The following RALGAPA2 variants were observed in gnomAD, a reference collection of about 807,000 sequenced individuals.
RALGAPA2 encodes the protein ral GTPase-activating protein subunit alpha-2.
RALGAPA2 carries 139 observed loss-of-function variants against 230.4 expected under a neutral mutation model. The observed-to-expected ratio is 0.60, with a 90% confidence interval of 0.53 to 0.69. RALGAPA2 has a LOEUF of 0.69. Among genes scored for constraint, RALGAPA2 ranks in the 30% least tolerant of loss-of-function variants. RALGAPA2 has a pLI of 0.00. For synonymous variants in RALGAPA2, 847 were observed against 837.8 expected, an observed-to-expected ratio of 1.01 and a Z score of -0.19; for missense variants, 2,163 against 2,276.0, an observed-to-expected ratio of 0.95 and a Z score of 1.01.
At chr20:20,650,964 A>C (rs1256272462) in intron 4 of RALGAPA2, among the ~76,000 whole-genome samples, 1 of 152,240 alleles carries the variant, frequency 6.6e-6, no homozygotes, top group African/African-American at 2.4e-5. Flanking sequence ...TAGTGGACAG[A>C]ACCTAATCTG....
chr20:20,632,036 T>C (rs2066689596), intron 9 of RALGAPA2, among the ~76,000 whole-genome samples: 1 of 151,842 alleles, frequency 6.6e-6, no homozygotes, highest in African/African-American at 2.4e-5. Context: ...GCTTTTTTTT[T>C]TTTTTTGAGA....
chr20:20,432,055 G>A (rs1451558786), intron 37 of RALGAPA2, among the ~76,000 whole-genome samples: 1 of 152,192 alleles, frequency 6.6e-6, no homozygotes, highest in Non-Finnish European at 1.5e-5. Context: ...TTAAAGTCAT[G>A]TAATTTTTTA....
intron 38 of RALGAPA2, among the ~76,000 whole-genome samples, 189 bp from the exon 39 acceptor site, chr20:20,396,923 T>C (rs1260926830): frequency 1.3e-5 from 2 of 152,210 alleles, no homozygotes; most frequent in African/African-American, 4.8e-5. Context: ...TACAAGCCGA[T>C]GTCGTGTTTA....
intron 15 of RALGAPA2, 73 bp downstream of exon 15, chr20:20,605,102 T>C (rs780264934): frequency 1.4e-5 from 18 of 1,315,180 alleles, no homozygotes; most frequent in Non-Finnish European, 1.7e-5. Context: ...CGCGCATTAA[T>C]TGCTTAGTCA....
chr20:20,577,308 A>G (rs1230326329), intron 20 of RALGAPA2, among the ~76,000 whole-genome samples: 1 of 152,184 alleles, frequency 6.6e-6, no homozygotes, highest in Admixed American at 6.6e-5. Context: ...GCTCACTATA[A>G]TAAGCTATGC....
chr20:20,415,602 C>T (rs1213224248), intron 37 of RALGAPA2, among the ~76,000 whole-genome samples: 1 of 152,122 alleles, frequency 6.6e-6, no homozygotes, highest in African/African-American at 2.4e-5. Context: ...GAATTTTTAT[C>T]AAGAATTTTG....
At chr20:20,632,996 G>A (rs755257832) in intron 9 of RALGAPA2, among the ~76,000 whole-genome samples, 8 of 149,988 alleles carry the variant, frequency 5.3e-5, no homozygotes, top group East Asian at 3.9e-4. Flanking sequence ...TTTCTTCCAC[G>A]GCTACTGGGT....
At chr20:20,624,224 G>A (rs867443277) in intron 10 of RALGAPA2, among the ~76,000 whole-genome samples, 23 of 151,734 alleles carry the variant, frequency 1.5e-4, no homozygotes, top group Admixed American at 9.2e-4. Context: ...CTATTTGGGA[G>A]GCTGAGGAAG....
chr20:20,649,532 TA>T (rs933136245), intron 4 of RALGAPA2, among the ~76,000 whole-genome samples: 4 of 152,198 alleles, frequency 2.6e-5, no homozygotes, highest in Non-Finnish European at 5.9e-5. Context: ...TAATGACTCA[TA>T]AAAAACATAT....
intron 31 of RALGAPA2, 39 bp from the exon 32 acceptor site, chr20:20,513,323 G>T: frequency 7.4e-6 from 9 of 1,223,522 alleles, no homozygotes; most frequent in South Asian, 2.8e-5. Context: ...AGTCAGTGGT[G>T]AATGAAGATT....
chr20:20,397,692 CA>C lies in RALGAPA2; in HGVS notation c.5618-959del, dbSNP rs548639709. 1.2e-4 allele frequency among the ~76,000 whole-genome samples: 18 copies of C among 152,378 alleles called. No homozygotes were observed. In the South Asian group the frequency reaches 3.3e-3, roughly 28 times the overall value. ...AAGGTTGCCAAGGTTGGCACAGTGACAGGGGCAAACTTCTAAGATGGTGGCT... is the reference window on the plus strand; with the variant it reads ...AAGGTTGCCAAGGTTGGCACAGTGACGGGGCAAACTTCTAAGATGGTGGCT... On this transcript the variant is annotated intron_variant, in intron 38 of 39. Transcript: ENST00000202677.
intron 14 of RALGAPA2, among the ~76,000 whole-genome samples, chr20:20,610,292 T>C (rs906096360): frequency 6.6e-6 from 1 of 152,204 alleles, no homozygotes; most frequent in African/African-American, 2.4e-5. Context: ...TCACTTTCAG[T>C]AATGCTTCAT....
intron 35 of RALGAPA2, among the ~76,000 whole-genome samples, chr20:20,502,822 C>T (rs1325901874): frequency 1.3e-5 from 2 of 152,160 alleles, no homozygotes; most frequent in African/African-American, 4.8e-5. Flanking sequence ...TCTTTTAAGG[C>T]GCTCCTCACT....
intron 23 of RALGAPA2, among the ~76,000 whole-genome samples, chr20:20,567,231 G>C (rs1413941609): frequency 6.6e-6 from 1 of 152,104 alleles, no homozygotes; most frequent in Non-Finnish European, 1.5e-5. Context: ...CACACATATT[G>C]ATCTTTCCAT....
chr20:20,458,826 A>ATATATAGACC (rs1274312220), intron 37 of RALGAPA2, among the ~76,000 whole-genome samples: 126 of 6,482 alleles, frequency 0.019, 4 homozygotes, highest in East Asian at 0.085. Context: ...ATAGACCTAT[A>ATATATAGACC]TATATATATA....
chr20:20,503,532 A>C (rs1205948041), intron 34 of RALGAPA2, 26 bp from the exon 35 acceptor site: 3 of 1,496,048 alleles, frequency 2.0e-6, no homozygotes, highest in Non-Finnish European at 1.8e-6. Flanking sequence ...AAGAAGAAAG[A>C]GTGAGGATCA....
intron 37 of RALGAPA2, among the ~76,000 whole-genome samples, chr20:20,421,031 A>C (rs2060265341): frequency 6.6e-6 from 1 of 152,250 alleles, no homozygotes; most frequent in Admixed American, 6.5e-5. Context: ...CACACAGAAT[A>C]GGAGAAAACA....
At chr20:20,465,165 A>G (rs1023467485) in intron 37 of RALGAPA2, among the ~76,000 whole-genome samples, 84 of 147,954 alleles carry the variant, frequency 5.7e-4, no homozygotes, top group African/African-American at 2.0e-3. Flanking sequence ...ACACACACAC[A>G]CACACACACA....
intron 1 of RALGAPA2, among the ~76,000 whole-genome samples, chr20:20,684,242 C>T (rs117102215): frequency 0.032 from 4,926 of 152,188 alleles, 102 homozygotes; most frequent in Middle Eastern, 0.048. Context: ...CTGCAGTGAA[C>T]GTGCCTCAGA....
Sources: gnomAD v4.1 joint callset for allele counts (sites outside exome capture counted in the v4.1 genomes callset) on GRCh38, gnomAD v4.1.1 for gene constraint, MANE v1.5 for transcripts, NCBI Gene and HGNC (gene_info 2026-07-23, HGNC 2026-07-21) for gene names.